The following UHRF1 variants were observed in gnomAD, a reference collection of about 807,000 sequenced individuals.
UHRF1 encodes E3 ubiquitin-protein ligase UHRF1.
A neutral mutation model predicts 96.5 loss-of-function variants in UHRF1; 9 were observed. The observed-to-expected ratio is 0.09, with a 90% CI of 0.06 to 0.16. The LOEUF is 0.16. UHRF1 is among the 10% of genes least tolerant of loss of function. The pLI is 1.00. For missense variants in UHRF1, 626 were observed against 1,131.1 expected, an observed-to-expected ratio of 0.55 and a Z score of 6.40; for synonymous variants, 455 against 469.9, an observed-to-expected ratio of 0.97 and a Z score of 0.41.
intron 2 of UHRF1, among the ~76,000 whole-genome samples, chr19:4,915,416 T>C (rs1340853495): frequency 6.6e-6 from 1 of 152,130 alleles, no homozygotes; most frequent in South Asian, 2.1e-4. Flanking sequence ...AAAACTTGAT[T>C]TATAAAAACA....
intron 5 of UHRF1, among the ~76,000 whole-genome samples, chr19:4,936,201 TGA>T (rs1262879906): frequency 6.6e-6 from 1 of 152,022 alleles, no homozygotes; most frequent in African/African-American, 2.4e-5. Context: ...AGGGATGCAG[TGA>T]GAGGGTCACG....
intron 4 of UHRF1, among the ~76,000 whole-genome samples, chr19:4,931,456 T>A (rs1196698296): frequency 6.6e-6 from 1 of 151,936 alleles, no homozygotes; most frequent in African/African-American, 2.4e-5. Flanking sequence ...TTTGTATTTT[T>A]ATTTTATTTT....
intron 11 of UHRF1, among the ~76,000 whole-genome samples, chr19:4,948,647 C>T (rs1363749638): frequency 1.3e-5 from 2 of 151,774 alleles, no homozygotes; most frequent in Non-Finnish European, 2.9e-5. Flanking sequence ...ACTAAAAATA[C>T]AAAAATTAGC....
At chr19:4,920,068 T>C (rs912677555) in intron 2 of UHRF1, among the ~76,000 whole-genome samples, 1 of 152,016 alleles carries the variant, frequency 6.6e-6, no homozygotes, top group African/African-American at 2.4e-5. Flanking sequence ...CCGTCCGCCT[T>C]GGCCTCCCAA....
Position 4,941,080 on chromosome 19 carries a change from G to GTTT in UHRF1, c.786-446_786-444dup, listed in dbSNP as rs1171655897. On this transcript the variant is annotated intron_variant, in intron 5 of 16. Transcript: ENST00000650932. ...CCTGCAATGAAACTCTGGTTTCTGT[G>GTTT]TTTTGTTTTTTTTTTTTTTTTTTTT... Among the ~76,000 whole-genome samples, 63 of 112,838 alleles carry GTTT rather than the reference G, an allele frequency of 5.6e-4. 2 individuals carry two copies. Among genetic ancestry groups the GTTT allele is most frequent in the African/African-American group, 1.4e-3 (38 of 26,662 alleles). The allele number at this position is 112,838 out of a possible 152,430, so 74.0% of individuals were successfully genotyped here. A position where few individuals can be genotyped will look rare whatever the true frequency, so the allele number is the denominator to read the frequency against.
chr19:4,938,356 C>T (rs1404698988), intron 5 of UHRF1, among the ~76,000 whole-genome samples: 1 of 151,958 alleles, frequency 6.6e-6, no homozygotes, highest in African/African-American at 2.4e-5. Flanking sequence ...GTATTATTTC[C>T]TTATTCTCTG....
upstream of UHRF1, among the ~76,000 whole-genome samples, chr19:4,908,446 C>T (rs2032118838): frequency 6.6e-6 from 1 of 152,096 alleles, no homozygotes; most frequent in Admixed American, 6.6e-5. Flanking sequence ...TATTATATAT[C>T]ACCCCTCTGA....
intron 4 of UHRF1, among the ~76,000 whole-genome samples, 184 bp downstream of exon 4, chr19:4,931,060 C>T (rs1266510101): frequency 2.6e-5 from 4 of 152,288 alleles, no homozygotes; most frequent in Non-Finnish European, 4.4e-5. Flanking sequence ...GACCCGAAGC[C>T]GGCTGCCCCC....
At chr19:4,929,540 T>A (rs1015494126) in intron 3 of UHRF1, 64 bp downstream of exon 3, 67 of 1,555,856 alleles carry the variant, frequency 4.3e-5, no homozygotes, top group Non-Finnish European at 5.6e-5. Flanking sequence ...GGTCTTTGCA[T>A]ACCCAGGGCT....
At chr19:4,959,343 A>G (rs1451655545) in intron 16 of UHRF1, among the ~76,000 whole-genome samples, 1 of 152,120 alleles carries the variant, frequency 6.6e-6, no homozygotes, top group African/African-American at 2.4e-5. Flanking sequence ...AAAAAACAAC[A>G]AAAACAAAAG....
chr19:4,950,070 C>T (rs1345271814), intron 11 of UHRF1, among the ~76,000 whole-genome samples: 1 of 150,236 alleles, frequency 6.7e-6, no homozygotes, highest in South Asian at 2.1e-4. Context: ...GGGGTTTTGC[C>T]ACGTTGGCCA....
At chr19:4,921,547 G>A (rs1464936761) in intron 2 of UHRF1, among the ~76,000 whole-genome samples, 1 of 152,188 alleles carries the variant, frequency 6.6e-6, no homozygotes, top group Non-Finnish European at 1.5e-5. Flanking sequence ...TTGAGCCCAG[G>A]AATTTGAGAC....
At position 4,954,746 on chromosome 19, in the gene UHRF1, G is replaced by C; in HGVS notation, c.2054G>C (p.Arg685Thr). The change falls in exon 15 of 17, where the codon AGA (arginine) becomes ACA (threonine). Residue 685 changes from arginine to threonine, a missense_variant. Physicochemically the swap from Arg to Thr is moderately conservative, Grantham distance 71. Transcript: ENST00000650932. The surrounding 1 kb of genome is among the most constrained non-coding windows in gnomAD (Gnocchi z 5.9). ...ACGGCCCAGCAGAGCAGCCTCATCA[G>C]AGAGGACAAGAGCAACGCCAAGCTG... ...SLTAQQSSLI[R>T]EDKSNAKLWN... The C allele has an allele frequency of 3.1e-6, 5 of 1,613,874 alleles. No individual in the cohort carries two copies. In the South Asian group the frequency reaches 5.5e-5, roughly 18 times the overall value.
intron 15 of UHRF1, among the ~76,000 whole-genome samples, chr19:4,955,146 G>A (rs1052667632): frequency 1.1e-4 from 17 of 151,786 alleles, no homozygotes; most frequent in Non-Finnish European, 1.6e-4. Flanking sequence ...TCTGTCTCCC[G>A]GGGCTGTTGC....
At position 4,932,746 on chromosome 19, in the gene UHRF1, C is replaced by T. The variant is rs372222473; in HGVS notation, c.575C>T (p.Pro192Leu). The T allele has an allele frequency of 1.8e-5, 29 of 1,613,696 alleles. No individual in the cohort carries two copies. The highest frequency in any genetic ancestry group is 2.2e-5 in the East Asian group (1 of 44,876). Residue 192 changes from proline (P) to leucine (L), a missense_variant, in exon 5 of 17, where the codon CCG (proline) becomes CTG (leucine). Physicochemically the swap from Pro to Leu is moderately conservative, Grantham distance 98. Coordinates refer to ENST00000650932, the MANE Select transcript of UHRF1 (RefSeq NM_001048201.3). ...GGCCCGGGCTTTCCTCCCAGCTACC[C>T]GGAGAACGGCGTGGTCCAGATGAAC... ...VIYHVKYDDY[P>L]ENGVVQMNSR...
chr19:4,915,729 AAAC>A (rs928430248), intron 2 of UHRF1, among the ~76,000 whole-genome samples: 3 of 151,992 alleles, frequency 2.0e-5, no homozygotes, highest in Admixed American at 6.6e-5. Flanking sequence ...GCAAAACAAA[AAAC>A]AAAACCAAAA....
chr19:4,924,865 C>A (rs988240174), intron 2 of UHRF1, among the ~76,000 whole-genome samples: 2 of 143,782 alleles, frequency 1.4e-5, no homozygotes, highest in African/African-American at 5.3e-5. Context: ...TCTCACTTGT[C>A]GCCCAGGCTG....
At chr19:4,940,787 C>G (rs2033369166) in intron 5 of UHRF1, among the ~76,000 whole-genome samples, 1 of 151,908 alleles carries the variant, frequency 6.6e-6, no homozygotes, top group Non-Finnish European at 1.5e-5. Context: ...ATTCTCCTGC[C>G]TCAGCCTCCT....
chr19:4,912,190 G>T (rs541860906), intron 2 of UHRF1, among the ~76,000 whole-genome samples: 31 of 152,282 alleles, frequency 2.0e-4, no homozygotes, highest in African/African-American at 7.2e-4. Flanking sequence ...GGAGAACTTG[G>T]GGAGTTGACG....
Sources: gnomAD v4.1 joint callset for allele counts (sites outside exome capture counted in the v4.1 genomes callset) on GRCh38, gnomAD v4.1.1 for gene constraint, Gnocchi (gnomAD v3.1) non-coding constraint, MANE v1.5 for transcripts, NCBI Gene and HGNC (gene_info 2026-07-23, HGNC 2026-07-21) for gene names.